Variants in JSRP1 observed in about 807,000 individuals in gnomAD.
The protein encoded by JSRP1 is 2310032K21Rik.
Under a neutral mutation model 21.4 loss-of-function variants are expected in JSRP1, and 29 were observed. The ratio of observed to expected loss-of-function variants is 1.36; its 90% confidence interval spans 1.01 to 1.85. JSRP1 has a LOEUF of 1.85. Among genes scored for constraint, JSRP1 ranks in the 40% most tolerant of loss-of-function variants. The pLI is 0.00. For synonymous variants in JSRP1, 221 were observed against 206.1 expected (o/e 1.07, Z -0.62); for missense variants, 531 against 461.5 (o/e 1.15, Z -1.38).
At chr19:2,252,847 C>G (rs750100168) in intron 6 of JSRP1, 51 bp from the exon 7 acceptor site, 4 of 1,595,252 alleles carry the variant, frequency 2.5e-6, no homozygotes, top group South Asian at 2.2e-5. Flanking sequence ...CCCCCCGGCC[C>G]GGGCTCCTTC....
At chr19:2,255,375 T>G in intron 1 of JSRP1, 31 bp from the exon 2 acceptor site, 1 of 1,101,796 alleles carries the variant, frequency 9.1e-7, no homozygotes, top group Admixed American at 2.1e-5. Flanking sequence ...GGTCTTGCAT[T>G]TACTGAGTCT....
chr19:2,255,012 C>T (rs1358815612), intron 2 of JSRP1, among the ~76,000 whole-genome samples, 194 bp downstream of exon 2: 2 of 152,160 alleles, frequency 1.3e-5, no homozygotes, highest in South Asian at 4.1e-4. Flanking sequence ...ATCTGTGTGG[C>T]CCAGCACCTG....
Position 2,253,610 on chromosome 19 carries a change from C to CT in JSRP1, c.436+9dup, listed in dbSNP as rs2145037397. On this transcript the variant is annotated intron_variant, in intron 5 of 6. Coordinates refer to ENST00000300961, the MANE Select transcript of JSRP1 (RefSeq NM_144616.4). ...CAGCCTCGCCCCACCTCTGGGGAGC[C>CT]TGCGCTCACCGCGGCACAGCTGGAA... 6.8e-7 allele frequency: 1 copy of CT among 1,461,494 alleles called. No homozygotes were observed. Among genetic ancestry groups the CT allele is most frequent in the East Asian group, 2.9e-5 (1 of 35,000 alleles). The allele number at this position is 1,461,494 out of a possible 1,614,324, so 90.5% of individuals were successfully genotyped here. A position where few individuals can be genotyped will look rare whatever the true frequency, so the allele number is the denominator to read the frequency against.
In JSRP1 at chr19:2,252,609, G is replaced by T; in HGVS notation, c.716C>A (p.Pro239His). The change falls in exon 7 of 7, where the codon CCT becomes CAT. Residue 239 changes from proline (P) to histidine (H), a missense_variant. Coordinates refer to ENST00000300961, the MANE Select transcript of JSRP1 (RefSeq NM_144616.4). ...TLADRGPKER[P>H]RREGKPRKEK... ...CTTCCGCGGCTTCCCCTCTCTCCGA[G>T]GCCTCTCCTTGGGTCCCCGGTCTGC... The T allele has an allele frequency of 1.2e-6, 2 of 1,612,670 alleles. No individual in the cohort carries two copies. Among genetic ancestry groups the T allele is most frequent in the Non-Finnish European group, 1.7e-6 (2 of 1,179,890 alleles).
chr19:2,253,099 G>T, intron 5 of JSRP1, 96 bp from the exon 6 acceptor site: 1 of 857,000 alleles, frequency 1.2e-6, no homozygotes, highest in Non-Finnish European at 1.8e-6. Context: ...TCCCTGGACA[G>T]TTGGAGTGGG....
In JSRP1 at chr19:2,254,216, G is replaced by A; in HGVS notation, c.233C>T (p.Thr78Met). The change falls in exon 4 of 7, where the codon ACG (threonine) becomes ATG (methionine). Residue 78 changes from threonine (T) to methionine (M), a missense_variant. Transcript: ENST00000300961. ...KEPAARGTPG[T>M]GKERLKAGAS... ...TCCGGCTTTCAGCCTCTCCTTCCCCGTTCCTGGGGTCCCCCTGGCGGCAGG... is the reference window on the plus strand; with the variant it reads ...TCCGGCTTTCAGCCTCTCCTTCCCCATTCCTGGGGTCCCCCTGGCGGCAGG... 4 of 1,606,310 alleles carry A rather than the reference G, an allele frequency of 2.5e-6. No homozygotes were observed. The highest frequency in any genetic ancestry group is 3.4e-6 in the Non-Finnish European group (4 of 1,176,484).
intron 5 of JSRP1, 135 bp from the exon 6 acceptor site, chr19:2,253,138 T>A (rs1040823927): frequency 1.6e-6 from 1 of 636,014 alleles, no homozygotes; most frequent in Non-Finnish European, 2.7e-6. Context: ...AGACTAAGGA[T>A]GCCCCCGAGC....
chr19:2,255,216 G>C lies in JSRP1; in HGVS notation c.99C>G (p.Asp33Glu), dbSNP rs111668535. The C allele has an allele frequency of 6.3e-6, 10 of 1,598,652 alleles. No individual in the cohort carries two copies. The highest frequency in any genetic ancestry group is 5.4e-5 in the African/African-American group (4 of 74,648). Residue 33 changes from aspartate (D) to glutamate (E), a missense_variant, in exon 2 of 7, where the codon GAC becomes GAG. Transcript: ENST00000300961. Reference sequence around the variant, plus strand: ...GCGCCACAAGGGTACCTGAAGCCCTGTCCTCCTGGGTCTCGGCCAGCGCAG... The same window carrying C: ...GCGCCACAAGGGTACCTGAAGCCCTCTCCTCCTGGGTCTCGGCCAGCGCAG... ...DHSALAETQE[D>E]RASATPRLAD... is the part of the protein sequence containing the mutation.
At chr19:2,254,604 G>A in intron 2 of JSRP1, 122 bp from the exon 3 acceptor site, 2 of 1,080,242 alleles carry the variant, frequency 1.9e-6, no homozygotes, top group South Asian at 2.8e-5. Context: ...AAAGTAGGTG[G>A]AGGCCAGCAC....
At position 2,252,619 on chromosome 19, in the gene JSRP1, T is replaced by C. The variant is rs141366208; in HGVS notation, c.706A>G (p.Lys236Glu). ...TTCCCCTCTCTCCGAGGCCTCTCCT[T>C]GGGTCCCCGGTCTGCGAGGGTCACA... ...DRVTLADRGP[K>E]ERPRREGKPR... is the part of the protein sequence containing the mutation. The change falls in exon 7 of 7, where the codon AAG (lysine) becomes GAG (glutamate). Residue 236 changes from lysine to glutamate, a missense_variant. Transcript: ENST00000300961. 6.2e-6 allele frequency: 10 copies of C among 1,612,464 alleles called. No homozygotes were observed. In the African/African-American group the frequency reaches 1.1e-4, roughly 17 times the overall value.
In JSRP1 at chr19:2,252,964, G is replaced by A. The variant is rs767479099; in HGVS notation, c.476C>T (p.Pro159Leu). Residue 159 changes from proline to leucine, a missense_variant, in exon 6 of 7, where the codon CCC becomes CTC. Physicochemically the swap from Pro to Leu is moderately conservative, Grantham distance 98. Transcript: ENST00000300961. ...TGAGCTTGGCGGGACCCAGGGCTCG[G>A]GCACACGTGCTTGGAGTGCTGCCTC... is the stretch of plus-strand genomic sequence containing the variant. The part of the protein sequence containing the change: ...PGEAALQARV[P>L]EPWVPPSSAP... 6.2e-7 allele frequency: 1 copy of A among 1,609,344 alleles called. No individual in the cohort carries two copies. The highest frequency in any genetic ancestry group is 8.5e-7 in the Non-Finnish European group (1 of 1,178,466).
chr19:2,253,845 C>A (rs753829176), intron 4 of JSRP1, 52 bp from the exon 5 acceptor site: 5 of 1,344,202 alleles, frequency 3.7e-6, no homozygotes, highest in African/African-American at 3.1e-5. Flanking sequence ...GTGCCGCCCC[C>A]TTCCCCGGGC....
At position 2,256,376 on chromosome 19, in the gene JSRP1, C is replaced by G. The variant is rs1449992448; in HGVS notation, c.-31+7G>C. On this transcript the variant is annotated splice_region_variant and intron_variant, in intron 1 of 6. Coordinates refer to ENST00000300961, the MANE Select transcript of JSRP1 (RefSeq NM_144616.4). Reference sequence around the variant, plus strand: ...GCCTCACTTCCTTACCCCCGAGCCTCGCTTACCCGCCAGCCGCTTTGCTGA... The same window carrying G: ...GCCTCACTTCCTTACCCCCGAGCCTGGCTTACCCGCCAGCCGCTTTGCTGA... 1 of 152,506 alleles carries G rather than the reference C, an allele frequency of 6.6e-6. No individual in the cohort carries two copies. Among genetic ancestry groups the G allele is most frequent in the Non-Finnish European group, 1.5e-5 (1 of 68,256 alleles). 9.4% of individuals were successfully genotyped at this position (152,506 alleles called of 1,614,324 possible). A position where few individuals can be genotyped will look rare whatever the true frequency, so the allele number is the denominator to read the frequency against.
At position 2,253,796 on chromosome 19, in the gene JSRP1, G is replaced by A. The variant is rs2025106050; in HGVS notation, c.263-3C>T. 7.2e-7 allele frequency: 1 copy of A among 1,386,592 alleles called. No individual in the cohort carries two copies. The highest frequency in any genetic ancestry group is 1.7e-5 in the South Asian group (1 of 59,606). The allele number at this position is 1,386,592 out of a possible 1,614,324, so 85.9% of individuals were successfully genotyped here. A position where few individuals can be genotyped will look rare whatever the true frequency, so the allele number is the denominator to read the frequency against. The stretch of plus-strand genomic sequence containing the variant: ...GCGCGCGGGGACGCTCCGAGGGCCT[G>A]CGGGGGCAAGTGCGCGCTGCGCTGT... On this transcript the variant is annotated splice_region_variant and splice_polypyrimidine_tract_variant and intron_variant, in intron 4 of 6. Transcript: ENST00000300961.
At chr19:2,254,694 C>G (rs1406065975) in intron 2 of JSRP1, among the ~76,000 whole-genome samples, 2 of 149,158 alleles carry the variant, frequency 1.3e-5, no homozygotes, top group Non-Finnish European at 3.0e-5. Flanking sequence ...TGAGACCAGC[C>G]TGGGCAACAT....
intron 5 of JSRP1, among the ~76,000 whole-genome samples, chr19:2,253,227 C>T (rs2025090540): frequency 6.6e-6 from 1 of 152,252 alleles, no homozygotes; most frequent in Non-Finnish European, 1.5e-5. Flanking sequence ...CATTCTTCCC[C>T]CCGACCACGG....
chr19:2,255,340 C>A lies in JSRP1; in HGVS notation c.-26G>T. On this transcript the variant is annotated 5_prime_UTR_variant, in exon 2 of 7. Transcript: ENST00000300961. ...GGCTGGAGCAGCAGCAGGTCCCAGG[C>A]CAGGCTGGGAGGGGTGGGGAACAAG... 1 of 1,506,738 alleles carries A rather than the reference C, an allele frequency of 6.6e-7. No homozygotes were observed. Among genetic ancestry groups the A allele is most frequent in the Non-Finnish European group, 9.1e-7 (1 of 1,093,452 alleles). 93.3% of individuals were successfully genotyped at this position (1,506,738 alleles called of 1,614,324 possible). A position where few individuals can be genotyped will look rare whatever the true frequency, so the allele number is the denominator to read the frequency against.
chr19:2,253,061 CA>C, intron 5 of JSRP1, 58 bp from the exon 6 acceptor site: 1 of 1,224,578 alleles, frequency 8.2e-7, no homozygotes, highest in Non-Finnish European at 1.2e-6. Context: ...CCACACTGTC[CA>C]TCCCTCCCTC....
chr19:2,254,482 G>C lies in JSRP1; in HGVS notation c.110C>G (p.Ala37Gly), dbSNP rs778793252. The C allele has an allele frequency of 6.2e-7, 1 of 1,612,752 alleles. No individual in the cohort carries two copies. Among genetic ancestry groups the C allele is most frequent in the South Asian group, 1.1e-5 (1 of 91,084 alleles). The change falls in exon 3 of 7, where the codon GCG becomes GGG. Residue 37 changes from alanine (A) to glycine (G), a missense_variant and splice_region_variant. Physicochemically the swap from Ala to Gly is moderately conservative, Grantham distance 60. Transcript: ENST00000300961. ...GCCGGAGTCGGCCAGCCTGGGTGTC[G>C]CTGTGGGAACACAGGCAGAGTCAAG... ...LAETQEDRAS[A>G]TPRLADSGSV... is the part of the protein sequence containing the mutation.
Sources: allele counts gnomAD v4.1 joint callset (sites outside exome capture counted in the v4.1 genomes callset), GRCh38; gene constraint gnomAD v4.1.1; transcripts MANE v1.5; gene names NCBI Gene and HGNC (gene_info 2026-07-23, HGNC 2026-07-21).